The following COL18A1 variants were observed in gnomAD, a reference collection of about 807,000 sequenced individuals.
COL18A1 encodes collagen type XVIII alpha 1 chain.
A neutral mutation model predicts 168.0 loss-of-function variants in COL18A1; 133 were observed. The ratio of observed to expected loss-of-function variants is 0.79; its 90% confidence interval spans 0.69 to 0.91. COL18A1 has a LOEUF of 0.91. Among genes scored for constraint, COL18A1 ranks in the 40% least tolerant of loss-of-function variants. COL18A1 has a pLI of 0.00. For synonymous variants in COL18A1, 949 were observed against 809.0 expected (o/e 1.17, Z -2.94); for missense variants, 2,126 against 1,925.4 (o/e 1.10, Z -1.95).
At chr21:45,487,051 T>A in intron 16 of COL18A1, 59 bp downstream of exon 16, 1 of 1,439,536 alleles carries the variant, frequency 6.9e-7, no homozygotes, top group Non-Finnish European at 9.1e-7. Context: ...GCCCCAGCCC[T>A]ACTACCCCTG....
At position 45,438,007 on chromosome 21, in the gene COL18A1, C is replaced by T. The variant is rs1240340566; in HGVS notation, c.107-30235C>T. Among the ~76,000 whole-genome samples, 3 of 60,274 alleles carry T rather than the reference C, an allele frequency of 5.0e-5. 1 individual carries two copies. The highest frequency in any genetic ancestry group is 2.5e-4 in the African/African-American group (3 of 11,784). 39.5% of individuals were successfully genotyped at this position (60,274 alleles called of 152,430 possible). A position where few individuals can be genotyped will look rare whatever the true frequency, so the allele number is the denominator to read the frequency against. ...ACTCAGACACACAGGCACTCTCCTG[C>T]ACACACACACTCACTCACACACAGA... On this transcript the variant is annotated intron_variant, in intron 2 of 41. Coordinates refer to ENST00000651438, the MANE Select transcript of COL18A1 (RefSeq NM_001379500.1).
chr21:45,462,571 C>A (rs1222687888), intron 2 of COL18A1, among the ~76,000 whole-genome samples: 1 of 152,162 alleles, frequency 6.6e-6, no homozygotes, highest in Non-Finnish European at 1.5e-5. Context: ...AGCTATTGTA[C>A]TTTTCAGTTC....
At chr21:45,449,332 G>A (rs1259715329) in intron 2 of COL18A1, among the ~76,000 whole-genome samples, 1 of 152,170 alleles carries the variant, frequency 6.6e-6, no homozygotes, top group African/African-American at 2.4e-5. Context: ...TAATTTAGGA[G>A]CCAAGAAGGC....
chr21:45,425,950 G>A lies in COL18A1; in HGVS notation c.106+20477G>A, dbSNP rs1242718087. On this transcript the variant is annotated intron_variant, in intron 2 of 41. Transcript: ENST00000651438. This position sits in a 1 kb window ranked among gnomAD's most constrained non-coding sequence, Gnocchi z 4.1. ...CCTGCATCCCTGTTGCTTCTTTCATGTGGGATGAGAACCCAGGAAGGGGCT... is the reference window on the plus strand; with the variant it reads ...CCTGCATCCCTGTTGCTTCTTTCATATGGGATGAGAACCCAGGAAGGGGCT... Among the ~76,000 whole-genome samples the A allele has an allele frequency of 2.0e-5, 3 of 152,158 alleles. No homozygotes were observed. Among genetic ancestry groups the A allele is most frequent in the Admixed American group, 6.5e-5 (1 of 15,278 alleles).
At chr21:45,460,342 G>C (rs1009681428) in intron 2 of COL18A1, among the ~76,000 whole-genome samples, 3 of 152,196 alleles carry the variant, frequency 2.0e-5, no homozygotes, top group Non-Finnish European at 4.4e-5. Flanking sequence ...CGGGGTGCTC[G>C]GGAGGCAGGT....
rs1380703389 is a variant in COL18A1 at position 45,509,439 on chromosome 21, C to G, written c.3333C>G (p.Pro1111=). ...NPYPRREHPH[P]TARPWRADDI... ...ACCCGCGGCGGGAGCACCCCCACCCCACCGCGCGGCCCTGGCGGGCAGATG... is the reference window on the plus strand; with the variant it reads ...ACCCGCGGCGGGAGCACCCCCACCCGACCGCGCGGCCCTGGCGGGCAGATG... The change falls in exon 39 of 42, where the codon CCC becomes CCG. Residue 1111 remains proline (P), a synonymous_variant. Transcript: ENST00000651438. 6.5e-7 allele frequency: 1 copy of G among 1,534,664 alleles called. No individual in the cohort carries two copies. Among genetic ancestry groups the G allele is most frequent in the Admixed American group, 2.0e-5 (1 of 51,174 alleles).
chr21:45,438,260 A>ACC (rs1254640967), intron 2 of COL18A1, among the ~76,000 whole-genome samples: 1 of 85,252 alleles, frequency 1.2e-5, no homozygotes, highest in African/African-American at 6.3e-5. Flanking sequence ...ACACACACAC[A>ACC]CTCACACTCA....
chr21:45,477,364 G>A lies in COL18A1; in HGVS notation c.929-47G>A, dbSNP rs368226364. The A allele has an allele frequency of 3.8e-5, 59 of 1,533,208 alleles. No individual in the cohort carries two copies. In the South Asian group the frequency reaches 5.9e-4, roughly 15 times the overall value. The allele number at this position is 1,533,208 out of a possible 1,614,324, so 95.0% of individuals were successfully genotyped here. The stretch of plus-strand genomic sequence containing the variant: ...TCTGGGGTGCCGAGAGCAGAGCTGG[G>A]GCCACCCGGGGGGCGTGACCGTGGC... On this transcript the variant is annotated intron_variant, in intron 6 of 41. Transcript: ENST00000651438.
intron 13 of COL18A1, among the ~76,000 whole-genome samples, chr21:45,481,199 C>T (rs774594061): frequency 2.6e-5 from 4 of 152,190 alleles, no homozygotes; most frequent in African/African-American, 9.7e-5. Flanking sequence ...GTCAGCATTG[C>T]TGGAGGGCCA....
chr21:45,512,194 G>A lies in COL18A1; in HGVS notation c.3816G>A (p.Gln1272=), dbSNP rs775273092. The A allele has an allele frequency of 6.2e-7, 1 of 1,612,212 alleles. No individual in the cohort carries two copies. The highest frequency in any genetic ancestry group is 1.1e-5 in the South Asian group (1 of 90,912). ...GGCCCGGCGCGTCTTACAGGCCCCA[G>A]AAGAGCGTGTGGCATGGCTCGGACC... ...KDVLRHPTWP[Q]KSVWHGSDPN... is the part of the protein sequence containing the mutation. The change falls in exon 42 of 42, where the codon CAG becomes CAA. Residue 1272 remains glutamine, a synonymous_variant. Transcript: ENST00000651438.
At chr21:45,442,039 GGA>G (rs779690651) in intron 2 of COL18A1, among the ~76,000 whole-genome samples, 6 of 152,214 alleles carry the variant, frequency 3.9e-5, no homozygotes, top group Non-Finnish European at 7.3e-5. Flanking sequence ...TCAGCCCAGG[GGA>G]GGTCACCTCG....
chr21:45,442,742 C>A (rs1295327981), intron 2 of COL18A1, among the ~76,000 whole-genome samples: 6 of 85,330 alleles, frequency 7.0e-5, no homozygotes, highest in African/African-American at 4.8e-4. Flanking sequence ...GTGTGGGCAG[C>A]GGGGCTGGTG....
At chr21:45,437,302 TC>T (rs2094142394) in intron 2 of COL18A1, among the ~76,000 whole-genome samples, 1 of 29,140 alleles carries the variant, frequency 3.4e-5, no homozygotes, top group African/African-American at 1.7e-4. Context: ...ACACACACAC[TC>T]ACACAGGCAC....
chr21:45,477,726 GCCC>G, intron 7 of COL18A1, 21 bp from the exon 8 acceptor site: 1 of 1,520,118 alleles, frequency 6.6e-7, no homozygotes, highest in Non-Finnish European at 8.8e-7. Context: ...CCCAGCCCGA[GCCC>G]TGTGTTCTGT....
chr21:45,493,326 C>G (rs2036424341), intron 25 of COL18A1, 101 bp downstream of exon 25: 1 of 1,401,300 alleles, frequency 7.1e-7, no homozygotes, highest in African/African-American at 1.4e-5. Context: ...GACCCCCCGG[C>G]TGCTGCTGTG....
chr21:45,478,305 A>G (rs2035756203), intron 8 of COL18A1, 22 bp from the exon 9 acceptor site: 2 of 1,613,614 alleles, frequency 1.2e-6, no homozygotes, highest in Non-Finnish European at 8.5e-7. Context: ...CCCATCACTA[A>G]TGGCTTCTCT....
In COL18A1 at chr21:45,477,815, A is replaced by C; in HGVS notation, c.1071A>C (p.Pro357=). The C allele has an allele frequency of 6.4e-7, 1 of 1,551,552 alleles. No individual in the cohort carries two copies. Among genetic ancestry groups the C allele is most frequent in the Non-Finnish European group, 8.7e-7 (1 of 1,147,468 alleles). The part of the protein sequence containing the change: ...VPGPPGRAGP[P]GSPCLPGPPG... ...GCCCACCTGGCCGGGCAGGCCCCCC[A>C]GGATCCCCATGCCTACCTGGTCCCC... The change falls in exon 8 of 42, where the codon CCA becomes CCC. Residue 357 remains proline, a synonymous_variant. Coordinates refer to ENST00000651438, the MANE Select transcript of COL18A1 (RefSeq NM_001379500.1).
intron 2 of COL18A1, among the ~76,000 whole-genome samples, chr21:45,415,535 G>C (rs1283996284): frequency 2.6e-5 from 4 of 152,208 alleles, no homozygotes; most frequent in African/African-American, 9.6e-5. Flanking sequence ...GCTGTGAATG[G>C]AGCCCCCCTT....
chr21:45,467,248 C>T lies in COL18A1; in HGVS notation c.107-994C>T, dbSNP rs111338470. The T allele has an allele frequency of 8.3e-4, 819 of 985,388 alleles. 6 individuals are homozygous for T. In the African/African-American group the frequency reaches 0.013, roughly 16 times the overall value. The allele number at this position is 985,388 out of a possible 1,614,324, so 61.0% of individuals were successfully genotyped here. ...GAACTCTGGGCACCGGGGCTGCGTC[C>T]TGGCTTGGGCTCCCTGGGCGAGGGA... is the stretch of plus-strand genomic sequence containing the variant. On this transcript the variant is annotated intron_variant, in intron 2 of 41. Transcript: ENST00000651438.
Sources: allele counts gnomAD v4.1 joint callset (sites outside exome capture counted in the v4.1 genomes callset), GRCh38; gene constraint gnomAD v4.1.1; non-coding constraint Gnocchi (gnomAD v3.1); transcripts MANE v1.5; gene names NCBI Gene and HGNC (gene_info 2026-07-23, HGNC 2026-07-21).